The following ADCY9 variants were observed in gnomAD, a reference collection of about 807,000 sequenced individuals.
The protein encoded by ADCY9 is adenylate cyclase 9.
In ADCY9, 50 loss-of-function variants were observed where a neutral mutation model predicts 101.5. The observed-to-expected ratio is 0.49, with a 90% CI of 0.39 to 0.62. The LOEUF (loss-of-function observed/expected upper bound fraction) is 0.62. ADCY9 is among the 20% of genes least tolerant of loss of function. ADCY9 has a pLI of 0.00. For missense variants in ADCY9, 1,662 were observed against 1,800.4 expected (o/e 0.92, Z 1.39); for synonymous variants, 905 against 769.3 (o/e 1.18, Z -2.92).
At chr16:4,101,755 C>A (rs2057044798) in intron 2 of ADCY9, among the ~76,000 whole-genome samples, 2 of 152,160 alleles carry the variant, frequency 1.3e-5, no homozygotes, top group South Asian at 2.1e-4. Flanking sequence ...TTGAAAAAAA[C>A]CACTCTAGTT....
rs917093945 is a variant in ADCY9 at position 3,974,550 on chromosome 16, A to C, written c.2870+119T>G. ...GAGATATTTTCCACTTTCTATTCTA[A>C]GAATGCACGTATTGTTCCTTTTATT... On this transcript the variant is annotated intron_variant, in intron 10 of 10. Coordinates refer to ENST00000294016, the MANE Select transcript of ADCY9 (RefSeq NM_001116.4). The C allele has an allele frequency of 6.6e-6, 5 of 752,830 alleles. No homozygotes were observed. In the African/African-American group the frequency reaches 8.8e-5, roughly 13 times the overall value. 46.6% of individuals were successfully genotyped at this position (752,830 alleles called of 1,614,324 possible). A position where few individuals can be genotyped will look rare whatever the true frequency, so the allele number is the denominator to read the frequency against.
intron 2 of ADCY9, among the ~76,000 whole-genome samples, chr16:4,071,332 C>A (rs1474233791): frequency 1.3e-4 from 9 of 70,530 alleles, no homozygotes; most frequent in East Asian, 5.2e-4. Context: ...ACTCAGTCTC[C>A]AAAAAAAAAA....
Position 4,003,929 on chromosome 16 carries a change from C to T in ADCY9, c.1884+3439G>A, listed in dbSNP as rs566845151. On this transcript the variant is annotated intron_variant, in intron 3 of 10. Transcript: ENST00000294016. ...TCCCCCACATTATGCAATGTCAGGGCCCTTAGGATGAGGACCTCTCACTGC... is the reference window on the plus strand; with the variant it reads ...TCCCCCACATTATGCAATGTCAGGGTCCTTAGGATGAGGACCTCTCACTGC... Among the ~76,000 whole-genome samples the T allele has an allele frequency of 6.6e-5, 10 of 152,102 alleles. No individual in the cohort carries two copies. In the East Asian group the frequency reaches 1.7e-3, roughly 27 times the overall value.
rs1937313868 is a variant in ADCY9 at position 3,983,258 on chromosome 16, C to T, written c.2493G>A (p.Glu831=). ...LAVFSAALLL[E]VLSLAVSIRM... is the part of the protein sequence containing the mutation. Reference sequence around the variant, plus strand: ...TGATGGACACCGCGAGGGACAGCACCTCCAGCAGCAGGGCTGCACTGAAGA... The same window carrying T: ...TGATGGACACCGCGAGGGACAGCACTTCCAGCAGCAGGGCTGCACTGAAGA... The change falls in exon 7 of 11, where the codon GAG becomes GAA. Residue 831 remains glutamate, a synonymous_variant. Coordinates refer to ENST00000294016, the MANE Select transcript of ADCY9 (RefSeq NM_001116.4). 2 of 1,552,128 alleles carry T rather than the reference C, an allele frequency of 1.3e-6. No individual in the cohort carries two copies. Among genetic ancestry groups the T allele is most frequent in the African/African-American group, 1.4e-5 (1 of 73,120 alleles).
intron 10 of ADCY9, among the ~76,000 whole-genome samples, chr16:3,968,447 C>T (rs1348484613): frequency 6.6e-6 from 1 of 152,046 alleles, no homozygotes; most frequent in Non-Finnish European, 1.5e-5. Flanking sequence ...TCTTAGATTT[C>T]TAATCCAATA....
At chr16:4,113,441 A>T (rs1158288688) in intron 2 of ADCY9, among the ~76,000 whole-genome samples, 1 of 152,238 alleles carries the variant, frequency 6.6e-6, no homozygotes, top group Non-Finnish European at 1.5e-5. Context: ...GAAGGGCTCC[A>T]TACCCTTACA....
intron 10 of ADCY9, among the ~76,000 whole-genome samples, chr16:3,970,735 G>C (rs1255035231): frequency 3.9e-5 from 6 of 152,222 alleles, no homozygotes; most frequent in African/African-American, 1.4e-4. Context: ...CCTCTGCGAA[G>C]CACAACCGCC....
chr16:4,029,051 G>A (rs867096808), intron 2 of ADCY9, among the ~76,000 whole-genome samples: 1 of 152,210 alleles, frequency 6.6e-6, no homozygotes, highest in Middle Eastern at 3.4e-3. Flanking sequence ...CCAAAGTGCT[G>A]GGATTACAGA....
intron 3 of ADCY9, among the ~76,000 whole-genome samples, chr16:3,999,430 T>A (rs2056314882): frequency 6.6e-6 from 1 of 152,190 alleles, no homozygotes; most frequent in Non-Finnish European, 1.5e-5. Flanking sequence ...TCCAGGGCCC[T>A]GGGACCCGGA....
At chr16:4,038,679 A>T (rs1567448577) in intron 2 of ADCY9, among the ~76,000 whole-genome samples, 2 of 152,018 alleles carry the variant, frequency 1.3e-5, no homozygotes. Context: ...GTTGGGTCTC[A>T]TCCTCACAAC....
chr16:3,974,562 T>A, intron 10 of ADCY9, 107 bp downstream of exon 10: 1 of 875,108 alleles, frequency 1.1e-6, no homozygotes, highest in African/African-American at 1.7e-5. Context: ...AATGCACGTA[T>A]TGTTCCTTTT....
rs2057145536 is a variant in ADCY9, at chr16:4,115,536, C to T, written c.-43-51G>A. 12 of 1,413,500 alleles carry T rather than the reference C, an allele frequency of 8.5e-6. No individual in the cohort carries two copies. Among genetic ancestry groups the T allele is most frequent in the South Asian group, 1.4e-5 (1 of 69,492 alleles). 87.6% of individuals were successfully genotyped at this position (1,413,500 alleles called of 1,614,324 possible). On this transcript the variant is annotated intron_variant, in intron 1 of 10. Coordinates refer to ENST00000294016, the MANE Select transcript of ADCY9 (RefSeq NM_001116.4). This position sits in a 1 kb window ranked among gnomAD's most constrained non-coding sequence, Gnocchi z 6.2. Reference sequence around the variant, plus strand: ...CGGCGCTCCCACCTAGGCATGCACGCCTAGAGGCCCGGGACCTGCTCCTGT... The same window carrying T: ...CGGCGCTCCCACCTAGGCATGCACGTCTAGAGGCCCGGGACCTGCTCCTGT...
intron 3 of ADCY9, among the ~76,000 whole-genome samples, chr16:3,994,887 C>T (rs1255046379): frequency 2.0e-5 from 3 of 152,206 alleles, no homozygotes; most frequent in Non-Finnish European, 4.4e-5. Flanking sequence ...GAGCTAGTCT[C>T]ATAAGATGGG....
At chr16:4,005,409 T>C (rs1319859127) in intron 3 of ADCY9, among the ~76,000 whole-genome samples, 1 of 152,174 alleles carries the variant, frequency 6.6e-6, no homozygotes, top group Admixed American at 6.5e-5. Flanking sequence ...AAAATTTTTT[T>C]GTAGAGATGA....
At chr16:4,078,818 T>C (rs930834389) in intron 2 of ADCY9, among the ~76,000 whole-genome samples, 8 of 152,028 alleles carry the variant, frequency 5.3e-5, no homozygotes, top group Non-Finnish European at 1.0e-4. Context: ...GATACTTACA[T>C]AAATAAAGAA....
At chr16:4,088,123 T>A (rs1296200793) in intron 2 of ADCY9, among the ~76,000 whole-genome samples, 2 of 151,846 alleles carry the variant, frequency 1.3e-5, no homozygotes, top group African/African-American at 4.8e-5. Flanking sequence ...ATGGAGGAAC[T>A]GCCTTGGGAA....
chr16:3,990,321 C>A (rs560856811), intron 5 of ADCY9, among the ~76,000 whole-genome samples: 2 of 152,224 alleles, frequency 1.3e-5, no homozygotes, highest in East Asian at 3.9e-4. Context: ...CAAAAATTAG[C>A]CAGGCCTGGT....
At chr16:4,048,739 G>C (rs1002078592) in intron 2 of ADCY9, among the ~76,000 whole-genome samples, 4 of 152,132 alleles carry the variant, frequency 2.6e-5, no homozygotes, top group Non-Finnish European at 5.9e-5. Context: ...GTCTCACACA[G>C]CGTGAGCGTC....
chr16:4,056,033 T>C (rs2056735526), intron 2 of ADCY9, among the ~76,000 whole-genome samples: 1 of 152,124 alleles, frequency 6.6e-6, no homozygotes, highest in Admixed American at 6.6e-5. Context: ...AGACAGGCAG[T>C]GCTGGAAACA....
Sources: allele counts gnomAD v4.1 joint callset (sites outside exome capture counted in the v4.1 genomes callset), GRCh38; gene constraint gnomAD v4.1.1; non-coding constraint Gnocchi (gnomAD v3.1); transcripts MANE v1.5; gene names NCBI Gene and HGNC (gene_info 2026-07-23, HGNC 2026-07-21).